EPB41L2: variants seen among roughly 807,000 people sequenced by gnomAD.
EPB41L2 encodes the protein erythrocyte membrane protein band 4.1 like 2.
Under a neutral mutation model 113.0 loss-of-function variants are expected in EPB41L2, and 43 were observed. The ratio of observed to expected loss-of-function variants is 0.38; its 90% CI spans 0.30 to 0.49. The LOEUF is 0.49. Ranked by LOEUF, EPB41L2 falls within the 20% of genes least tolerant of loss-of-function variation. EPB41L2 has a pLI of 0.95. For synonymous variants in EPB41L2, 442 were observed against 436.7 expected (o/e 1.01, Z -0.15); for missense variants, 1,147 against 1,223.4 (o/e 0.94, Z 0.93).
intron 1 of EPB41L2, among the ~76,000 whole-genome samples, chr6:131,008,508 T>G (rs1008675107): frequency 2.6e-5 from 4 of 152,258 alleles, no homozygotes; most frequent in Non-Finnish European, 5.9e-5. Context: ...GAGTCCCCTC[T>G]GGGGCACTGC....
At chr6:131,013,756 T>C (rs1787571583) in intron 1 of EPB41L2, among the ~76,000 whole-genome samples, 1 of 152,166 alleles carries the variant, frequency 6.6e-6, no homozygotes, top group South Asian at 2.1e-4. Flanking sequence ...TAGAGCCAAA[T>C]GCACACAATT....
intron 10 of EPB41L2, among the ~76,000 whole-genome samples, chr6:130,892,133 C>T (rs1292687760): frequency 6.6e-6 from 1 of 152,122 alleles, no homozygotes; most frequent in Non-Finnish European, 1.5e-5. Flanking sequence ...AGGCTTTGCA[C>T]AGCTAATGCA....
intron 19 of EPB41L2, among the ~76,000 whole-genome samples, chr6:130,853,772 A>G (rs1185989664): frequency 4.6e-5 from 7 of 152,178 alleles, no homozygotes; most frequent in Admixed American, 4.6e-4. Flanking sequence ...GGAGAGCTTT[A>G]TGTGCCTGAA....
intron 1 of EPB41L2, among the ~76,000 whole-genome samples, chr6:131,010,004 A>G (rs1170314002): frequency 1.3e-5 from 2 of 152,250 alleles, no homozygotes; most frequent in African/African-American, 4.8e-5. Context: ...GCCACAAGTG[A>G]TAAGCACCAA....
At chr6:130,926,945 G>A (rs1473340092) in intron 3 of EPB41L2, among the ~76,000 whole-genome samples, 1 of 152,114 alleles carries the variant, frequency 6.6e-6, no homozygotes, top group Admixed American at 6.5e-5. Context: ...CTGCTTTACT[G>A]CTACTCAATA....
At chr6:130,876,584 C>A in intron 14 of EPB41L2, 2 of 774,958 alleles carry the variant, frequency 2.6e-6, no homozygotes, top group Non-Finnish European at 1.8e-6. Context: ...TAGTATGACA[C>A]ACAGGAAAAA....
At chr6:130,951,177 A>C (rs1814803193) in intron 3 of EPB41L2, among the ~76,000 whole-genome samples, 1 of 142,204 alleles carries the variant, frequency 7.0e-6, no homozygotes, top group Admixed American at 7.2e-5. Context: ...AAATTGCTTG[A>C]ACCCAGGAGG....
At chr6:131,053,068 G>A (rs917673020) in intron 1 of EPB41L2, among the ~76,000 whole-genome samples, 9 of 151,824 alleles carry the variant, frequency 5.9e-5, no homozygotes, top group Non-Finnish European at 1.2e-4. Context: ...GGCTAATTTT[G>A]TATTTTTAGT....
chr6:130,924,812 A>G (rs1804097967), intron 4 of EPB41L2, among the ~76,000 whole-genome samples: 2 of 152,220 alleles, frequency 1.3e-5, no homozygotes, highest in East Asian at 1.9e-4. Context: ...GCTATTTTCT[A>G]TTTTCATGAG....
chr6:130,964,492 C>CAA (rs34008072), intron 1 of EPB41L2, among the ~76,000 whole-genome samples: 5,749 of 144,978 alleles, frequency 0.04, 326 homozygotes, highest in African/African-American at 0.12. Flanking sequence ...TCCTCATAAG[C>CAA]AAAAAAAAAA....
rs992816924 is a variant in EPB41L2, at chr6:130,964,044, G to A, written c.-14-7545C>T. Among the ~76,000 whole-genome samples, 19 of 147,612 alleles carry A rather than the reference G, an allele frequency of 1.3e-4. 1 individual carries two copies. Among genetic ancestry groups the A allele is most frequent in the African/African-American group, 3.0e-4 (12 of 39,830 alleles). Reference sequence around the variant, plus strand: ...TCTTTTCCTTTTTTTTTTTTCACACGAAGTCTCCCTCTGTCGCCCAGGGCT... The same window carrying A: ...TCTTTTCCTTTTTTTTTTTTCACACAAAGTCTCCCTCTGTCGCCCAGGGCT... On this transcript the variant is annotated intron_variant, in intron 1 of 19. Transcript: ENST00000337057.
intron 5 of EPB41L2, among the ~76,000 whole-genome samples, chr6:130,905,219 A>T (rs1797373480): frequency 6.6e-6 from 1 of 152,098 alleles, no homozygotes; most frequent in African/African-American, 2.4e-5. Flanking sequence ...AAGTTAAAAC[A>T]CTGCTATTTA....
At chr6:131,030,523 T>G (rs1170038594) in intron 1 of EPB41L2, among the ~76,000 whole-genome samples, 1 of 152,212 alleles carries the variant, frequency 6.6e-6, no homozygotes, top group Non-Finnish European at 1.5e-5. Context: ...CTCTGTATAT[T>G]TTAGATCCTC....
chr6:130,884,529 A>G (rs1017217670), intron 12 of EPB41L2, among the ~76,000 whole-genome samples: 1 of 152,230 alleles, frequency 6.6e-6, no homozygotes, highest in Non-Finnish European at 1.5e-5. Context: ...GTAACAAAAG[A>G]TAACAGTGAC....
At chr6:130,903,225 T>A (rs904130226) in intron 6 of EPB41L2, among the ~76,000 whole-genome samples, 1 of 152,124 alleles carries the variant, frequency 6.6e-6, no homozygotes, top group Non-Finnish European at 1.5e-5. Context: ...TTACATGCAT[T>A]GTTCAGAGGC....
At chr6:131,057,925 TC>T (rs1312622822) in intron 1 of EPB41L2, among the ~76,000 whole-genome samples, 1 of 152,184 alleles carries the variant, frequency 6.6e-6, no homozygotes, top group Non-Finnish European at 1.5e-5. Flanking sequence ...ACTAAAATGA[TC>T]CCCATGATGC....
rs750322344 is a variant in EPB41L2, at chr6:130,895,134, C to T, written c.1237-15G>A. 1 of 1,594,342 alleles carries T rather than the reference C, an allele frequency of 6.3e-7. No homozygotes were observed. The highest frequency in any genetic ancestry group is 1.3e-5 in the African/African-American group (1 of 74,172). ...CCTTCTGAGTCCTGCCAAGCATAAC[C>T]CAATTAACCATGGTTAAGAGCTGTG... On this transcript the variant is annotated splice_polypyrimidine_tract_variant and intron_variant, in intron 8 of 19. Transcript: ENST00000337057.
At chr6:130,947,255 T>C (rs569476391) in intron 3 of EPB41L2, among the ~76,000 whole-genome samples, 1 of 152,232 alleles carries the variant, frequency 6.6e-6, no homozygotes, top group South Asian at 2.1e-4. Context: ...AGCTATCACC[T>C]CATGACTTCC....
At chr6:131,047,619 T>C (rs1795710214) in intron 1 of EPB41L2, among the ~76,000 whole-genome samples, 1 of 152,174 alleles carries the variant, frequency 6.6e-6, no homozygotes, top group South Asian at 2.1e-4. Context: ...TACACAACGA[T>C]TTCTAAATTA....
Sources: gnomAD v4.1 joint callset for allele counts (sites outside exome capture counted in the v4.1 genomes callset) on GRCh38, gnomAD v4.1.1 for gene constraint, MANE v1.5 for transcripts, NCBI Gene and HGNC (gene_info 2026-07-23, HGNC 2026-07-21) for gene names.